ZNF469: variants seen among roughly 807,000 people sequenced by gnomAD.
ZNF469 encodes the protein zinc finger protein 469.
ZNF469 carries 1 observed loss-of-function variant against 1.0 expected under a neutral mutation model. The observed-to-expected ratio is 1.00, with a 90% confidence interval of 0.35 to 4.73. The LOEUF is 4.73. ZNF469 is among the 30% of genes most tolerant of loss of function. ZNF469 has a pLI of 0.16. For missense variants in ZNF469, 6,100 were observed against 5,356.3 expected, an observed-to-expected ratio of 1.14 and a Z score of -4.33; for synonymous variants, 2,703 against 2,363.4, an observed-to-expected ratio of 1.14 and a Z score of -4.17.
chr16:88,345,636 G>A, the ZNF469 span, among the ~76,000 whole-genome samples: 4 of 152,140 alleles, frequency 2.6e-5, no homozygotes, highest in African/African-American at 7.2e-5. Flanking sequence ...TCGCCACGGG[G>A]TCCATTTCAC....
At chr16:88,386,072 G>A (rs563345932) in intron 1 of ZNF469, among the ~76,000 whole-genome samples, 10 of 152,256 alleles carry the variant, frequency 6.6e-5, no homozygotes, top group African/African-American at 9.6e-5. Flanking sequence ...CAAGCGGCCC[G>A]GTCCCGTGGA....
chr16:88,179,001 C>T, the ZNF469 span: 3 of 152,064 alleles, frequency 2.0e-5, no homozygotes, highest in African/African-American at 7.2e-5. Flanking sequence ...CTTTGCACCC[C>T]AACACATCTC....
the ZNF469 span, among the ~76,000 whole-genome samples, chr16:88,346,310 G>A: frequency 5.3e-5 from 8 of 152,154 alleles, no homozygotes; most frequent in East Asian, 7.7e-4. Context: ...GAGGCCCTGC[G>A]AGTGTGCTGG....
chr16:88,402,491 C>A (rs1415680065), intron 1 of ZNF469, among the ~76,000 whole-genome samples: 1 of 152,038 alleles, frequency 6.6e-6, no homozygotes, highest in Non-Finnish European at 1.5e-5. Context: ...AGGATGCTAC[C>A]TGGGCCAAGT....
chr16:88,294,419 C>T, the ZNF469 span, among the ~76,000 whole-genome samples: 1 of 152,214 alleles, frequency 6.6e-6, no homozygotes, highest in South Asian at 2.1e-4. Context: ...ATAAACTTGG[C>T]CTTCCACATC....
chr16:88,166,885 A>G, the ZNF469 span, among the ~76,000 whole-genome samples: 7 of 152,062 alleles, frequency 4.6e-5, 1 homozygote, highest in Admixed American at 2.0e-4. The surrounding 1 kb of genome is among the most constrained non-coding windows in gnomAD (Gnocchi z 4.5). Flanking sequence ...ATAGCATTAT[A>G]TCTGTAAAAT....
chr16:88,203,778 A>C, the ZNF469 span, among the ~76,000 whole-genome samples: 1 of 151,902 alleles, frequency 6.6e-6, no homozygotes, highest in South Asian at 2.1e-4. Flanking sequence ...TTATAAAGAC[A>C]CTGGTCATTG....
At chr16:88,276,213 C>T in the ZNF469 span, among the ~76,000 whole-genome samples, 1 of 152,160 alleles carries the variant, frequency 6.6e-6, no homozygotes, top group Non-Finnish European at 1.5e-5. Flanking sequence ...GCTGGATGGG[C>T]AGGTCCTGGG....
chr16:88,384,941 C>T (rs2092533912), intron 1 of ZNF469, among the ~76,000 whole-genome samples: 2 of 152,176 alleles, frequency 1.3e-5, no homozygotes, highest in African/African-American at 4.8e-5. Context: ...TTCCTGCAGT[C>T]CTACCAGCTG....
chr16:88,261,927 A>G, the ZNF469 span, among the ~76,000 whole-genome samples: 2 of 152,154 alleles, frequency 1.3e-5, no homozygotes, highest in African/African-American at 4.8e-5. The surrounding 1 kb of genome is among the most constrained non-coding windows in gnomAD (Gnocchi z 6.0). Context: ...GGAAGGCCTC[A>G]CACCCCAGTG....
At chr16:88,392,294 A>C (rs2142265607) in intron 1 of ZNF469, among the ~76,000 whole-genome samples, 1 of 152,358 alleles carries the variant, frequency 6.6e-6, no homozygotes, top group South Asian at 2.1e-4. Flanking sequence ...CAGCTGCTGC[A>C]CGAGCAGCTC....
the ZNF469 span, among the ~76,000 whole-genome samples, chr16:88,228,396 C>T: frequency 6.6e-6 from 1 of 152,262 alleles, no homozygotes; most frequent in African/African-American, 2.4e-5. Context: ...CCTTGCCTTA[C>T]AATGGCACCT....
the ZNF469 span, among the ~76,000 whole-genome samples, chr16:88,321,177 G>A: frequency 9.2e-5 from 14 of 152,380 alleles, no homozygotes; most frequent in Non-Finnish European, 1.5e-4. Flanking sequence ...AGGCGCCAAG[G>A]GGAAGGTCCT....
the ZNF469 span, among the ~76,000 whole-genome samples, chr16:88,109,504 T>A: frequency 6.6e-6 from 1 of 151,816 alleles, no homozygotes; most frequent in Non-Finnish European, 1.5e-5. Context: ...CAGGAGGTGC[T>A]GAGCGTCTGT....
the ZNF469 span, among the ~76,000 whole-genome samples, chr16:88,143,120 T>G: frequency 6.6e-6 from 1 of 152,000 alleles, no homozygotes; most frequent in Admixed American, 6.5e-5. Context: ...AATCCTCACC[T>G]GGAGAAGCCC....
the ZNF469 span, among the ~76,000 whole-genome samples, chr16:88,226,337 G>A: frequency 7.9e-5 from 12 of 152,168 alleles, no homozygotes; most frequent in Admixed American, 1.3e-4. Context: ...TAGGAGGCTG[G>A]GAGAAGAGAG....
At chr16:88,302,404 C>T in the ZNF469 span, 3 of 152,192 alleles carry the variant, frequency 2.0e-5, no homozygotes, top group Admixed American at 1.3e-4. Flanking sequence ...CTCTGTGTGT[C>T]TTAAAAATCT....
the ZNF469 span, among the ~76,000 whole-genome samples, chr16:88,167,948 C>G: frequency 2.0e-5 from 3 of 152,212 alleles, no homozygotes; most frequent in African/African-American, 7.2e-5. Flanking sequence ...TTGAACACTG[C>G]CCCCCTCCAA....
the ZNF469 span, among the ~76,000 whole-genome samples, chr16:88,109,796 C>T: frequency 4.6e-5 from 7 of 150,596 alleles, no homozygotes; most frequent in South Asian, 4.2e-4. Context: ...TCTGTGTCCA[C>T]GCTGTCTCTT....
Sources: gnomAD v4.1 joint callset for allele counts (sites outside exome capture counted in the v4.1 genomes callset) on GRCh38, gnomAD v4.1.1 for gene constraint, Gnocchi (gnomAD v3.1) non-coding constraint, MANE v1.5 for transcripts, NCBI Gene and HGNC (gene_info 2026-07-23, HGNC 2026-07-21) for gene names.